The following SYCP2 variants were observed in gnomAD, a reference collection of about 807,000 sequenced individuals.
The protein encoded by SYCP2 is synaptonemal complex lateral element protein.
A neutral mutation model predicts 211.3 loss-of-function variants in SYCP2; 55 were observed. The observed-to-expected ratio is 0.26, with a 90% CI of 0.21 to 0.33. SYCP2 has a LOEUF of 0.33. Ranked by LOEUF, SYCP2 falls within the 10% of genes least tolerant of loss-of-function variation. The probability of loss-of-function intolerance (pLI) is 1.00; values close to 1 mark genes in which losing one functional copy is unlikely to be tolerated. For synonymous variants in SYCP2, 570 were observed against 555.2 expected (o/e 1.03, Z -0.37); for missense variants, 1,731 against 1,752.0 (o/e 0.99, Z 0.21).
At chr20:59,867,883 T>C (rs763795095) in intron 38 of SYCP2, 36 bp from the exon 39 acceptor site, 9 of 1,511,626 alleles carry the variant, frequency 6.0e-6, no homozygotes, top group Non-Finnish European at 7.3e-6. Flanking sequence ...AGTTAAAATA[T>C]GCATTACTCT....
chr20:59,915,058 T>G (rs2060411064), intron 10 of SYCP2, 107 bp downstream of exon 10: 1 of 762,552 alleles, frequency 1.3e-6, no homozygotes, highest in African/African-American at 1.8e-5. Flanking sequence ...ACATAATGTT[T>G]ATAATTCCCT....
chr20:59,883,095 C>A (rs924759263), intron 26 of SYCP2, among the ~76,000 whole-genome samples: 5 of 151,998 alleles, frequency 3.3e-5, no homozygotes, highest in African/African-American at 1.2e-4. Flanking sequence ...ACACCTGTAA[C>A]CCCAGCACTT....
intron 27 of SYCP2, 46 bp downstream of exon 27, chr20:59,882,049 C>T: frequency 6.3e-7 from 1 of 1,597,858 alleles, no homozygotes. Flanking sequence ...TATGTGTAGT[C>T]TCTTCAAATA....
chr20:59,924,715 AAC>A (rs1289601588), intron 2 of SYCP2, among the ~76,000 whole-genome samples: 1 of 152,028 alleles, frequency 6.6e-6, no homozygotes, highest in African/African-American at 2.4e-5. Context: ...AGGGCTACAA[AAC>A]AGTTGGAAAT....
chr20:59,901,320 C>T (rs1202057308), intron 16 of SYCP2, among the ~76,000 whole-genome samples: 2 of 152,164 alleles, frequency 1.3e-5, no homozygotes, highest in Non-Finnish European at 2.9e-5. Context: ...CTCATGTTCC[C>T]TATGCCATTA....
At chr20:59,931,570 G>C (rs1436874117) in intron 2 of SYCP2, among the ~76,000 whole-genome samples, 1 of 152,150 alleles carries the variant, frequency 6.6e-6, no homozygotes, top group African/African-American at 2.4e-5. Context: ...AGCAACTGTT[G>C]AGGCAGGCTT....
At chr20:59,867,014 C>CAAAAAAAAAAAAAAAA (rs779891839) in intron 39 of SYCP2, among the ~76,000 whole-genome samples, 13 of 60,378 alleles carry the variant, frequency 2.2e-4, no homozygotes, top group East Asian at 6.0e-4. Context: ...GGCCTTGGGC[C>CAAAAAAAAAAAAAAAA]AAAAAAAAAA....
At chr20:59,894,573 AT>A (rs1568943852) in intron 20 of SYCP2, among the ~76,000 whole-genome samples, 1 of 151,986 alleles carries the variant, frequency 6.6e-6, no homozygotes, top group African/African-American at 2.4e-5. Flanking sequence ...AAAATTGTAC[AT>A]ATTTATGAAC....
chr20:59,886,937 C>G, intron 24 of SYCP2, 103 bp from the exon 25 acceptor site: 1 of 843,630 alleles, frequency 1.2e-6, no homozygotes, highest in East Asian at 2.9e-5. Context: ...CTATTTATAC[C>G]TGCGGAGAGA....
chr20:59,912,395 G>T lies in SYCP2; in HGVS notation c.854C>A (p.Ser285Ter). 1.9e-6 allele frequency: 2 copies of T among 1,075,932 alleles called. No homozygotes were observed. The highest frequency in any genetic ancestry group is 2.7e-6 in the Non-Finnish European group (2 of 747,574). The allele number at this position is 1,075,932 out of a possible 1,614,324, so 66.6% of individuals were successfully genotyped here. Residue 285 changes from serine to a stop codon, truncating the protein, a stop_gained, in exon 13 of 45, where the codon TCA becomes TAA. Transcript: ENST00000357552. LOFTEE classifies it high-confidence loss of function. ...TACCTCATATTTATCAAGAAATGCT[G>T]ATAAACAAGGAAATGTAAAGACCCT... is the stretch of plus-strand genomic sequence containing the variant. ...KRRVFTFPCLSAFLDKYELQI... is the reference protein window; with the variant it reads ...KRRVFTFPCL
Position 59,900,262 on chromosome 20 carries a change from A to G in SYCP2, c.1280T>C (p.Ile427Thr), listed in dbSNP as rs1438984039. 6.2e-7 allele frequency: 1 copy of G among 1,605,792 alleles called. No individual in the cohort carries two copies. Among genetic ancestry groups the G allele is most frequent in the South Asian group, 1.1e-5 (1 of 89,168 alleles). Residue 427 changes from isoleucine to threonine, a missense_variant, in exon 18 of 45, where the codon ATC (isoleucine) becomes ACC (threonine). Around this residue, in one of 3 missense-constraint regions of SYCP2, gnomAD observed 1,387 missense variants for 1,351.3 expected, o/e 1.03. Transcript: ENST00000357552. ...GSQILVPESQ[I>T]SPVGEELVSL... Reference sequence around the variant, plus strand: ...AACGAGCTCTTCTCCGACTGGTGAGATTTGACTTTCTGGCACTAGAATCTG... The same window carrying G: ...AACGAGCTCTTCTCCGACTGGTGAGGTTTGACTTTCTGGCACTAGAATCTG...
At position 59,914,024 on chromosome 20, in the gene SYCP2, A is replaced by C. The variant is rs1173735890; in HGVS notation, c.781T>G (p.Cys261Gly). The C allele has an allele frequency of 1.9e-6, 3 of 1,595,134 alleles. No individual in the cohort carries two copies. In the East Asian group the frequency reaches 6.7e-5, roughly 36 times the overall value. ...RIKDSEFETD[C>G]RIFLNLVNGM... ...TTTACAAGGTTGAGAAATATCCTGCAATCCTAATTTTAAAGAGAAATACTT... is the reference window on the plus strand; with the variant it reads ...TTTACAAGGTTGAGAAATATCCTGCCATCCTAATTTTAAAGAGAAATACTT... The change falls in exon 12 of 45, where the codon TGC becomes GGC. Residue 261 changes from cysteine (C) to glycine (G), a missense_variant. Around this residue, in one of 3 missense-constraint regions of SYCP2, gnomAD observed 335 missense variants for 378.8 expected, o/e 0.88. Transcript: ENST00000357552.
chr20:59,905,173 G>A (rs985804796), intron 15 of SYCP2, among the ~76,000 whole-genome samples: 2 of 152,074 alleles, frequency 1.3e-5, no homozygotes, highest in African/African-American at 4.8e-5. Context: ...AATATAAAAC[G>A]GTAAAATCAC....
At chr20:59,915,575 ATTAAC>A in intron 8 of SYCP2, 25 bp from the exon 9 acceptor site, 1 of 1,366,664 alleles carries the variant, frequency 7.3e-7, no homozygotes, top group Non-Finnish European at 1.0e-6. Context: ...AAGATAATGC[ATTAAC>A]TTTACATTCA....
chr20:59,898,132 A>T (rs2060046177), intron 18 of SYCP2, among the ~76,000 whole-genome samples: 2 of 152,154 alleles, frequency 1.3e-5, no homozygotes, highest in African/African-American at 4.8e-5. Flanking sequence ...AAATTAAATA[A>T]AAAGAAAGAA....
At chr20:59,884,116 T>C (rs972193163) in intron 26 of SYCP2, among the ~76,000 whole-genome samples, 3 of 152,072 alleles carry the variant, frequency 2.0e-5, no homozygotes, top group Admixed American at 2.0e-4. Context: ...TGTACGTAAA[T>C]AAATGACCTC....
chr20:59,925,497 G>A (rs1351582244), intron 2 of SYCP2, among the ~76,000 whole-genome samples: 1 of 152,048 alleles, frequency 6.6e-6, no homozygotes, highest in Non-Finnish European at 1.5e-5. Flanking sequence ...ATTCACATGT[G>A]TGAATATTCA....
intron 22 of SYCP2, 137 bp downstream of exon 22, chr20:59,893,005 C>T: frequency 6.0e-6 from 4 of 671,628 alleles, no homozygotes; most frequent in Non-Finnish European, 9.8e-6. Context: ...CATAATTCCC[C>T]ATTGTGCTGT....
intron 18 of SYCP2, 23 bp from the exon 19 acceptor site, chr20:59,896,551 C>T (rs73131309): frequency 0.071 from 88,748 of 1,250,432 alleles, 3,420 homozygotes; most frequent in East Asian, 0.16. Context: ...TGAAAAACAA[C>T]CACTGTAAAC....
Sources: allele counts gnomAD v4.1 joint callset (sites outside exome capture counted in the v4.1 genomes callset), GRCh38; gene constraint gnomAD v4.1.1; regional missense constraint gnomAD v4.1.1; transcripts MANE v1.5; gene names NCBI Gene and HGNC (gene_info 2026-07-23, HGNC 2026-07-21).